The following SEPTIN9 variants were observed in gnomAD, a reference collection of about 807,000 sequenced individuals.
The protein encoded by SEPTIN9 is septin-9.
Under a neutral mutation model 56.6 loss-of-function variants are expected in SEPTIN9, and 13 were observed. The ratio of observed to expected loss-of-function variants is 0.23; its 90% confidence interval spans 0.15 to 0.37. The LOEUF is 0.37. SEPTIN9 is among the 10% of genes least tolerant of loss of function. The pLI, the probability that SEPTIN9 is intolerant of heterozygous loss-of-function variation, is 1.00. For missense variants in SEPTIN9, 650 were observed against 823.1 expected (o/e 0.79, Z 2.57); for synonymous variants, 332 against 334.1 (o/e 0.99, Z 0.07).
intron 2 of SEPTIN9, among the ~76,000 whole-genome samples, chr17:77,387,069 G>C (rs772836418): frequency 1.4e-4 from 22 of 152,244 alleles, no homozygotes; most frequent in Non-Finnish European, 2.8e-4. Context: ...ACCAGGCTTA[G>C]CAGGGGAGGA....
At chr17:77,426,373 G>A (rs541683132) in intron 3 of SEPTIN9, among the ~76,000 whole-genome samples, 137 of 152,218 alleles carry the variant, frequency 9.0e-4, no homozygotes, top group African/African-American at 3.2e-3. Flanking sequence ...TGGCGCAACA[G>A]CGTGAGCCCA....
At position 77,433,244 on chromosome 17, in the gene SEPTIN9, T is replaced by G. The variant is rs1658685164; in HGVS notation, c.721+30541T>G. ...TCGGTCACAGGATGCTGCAGCCACG[T>G]TGCAGGGAAGGAGAGCCTCCCTTCC... On this transcript the variant is annotated intron_variant, in intron 3 of 11. Transcript: ENST00000427177. This position sits in a 1 kb window ranked among gnomAD's most constrained non-coding sequence, Gnocchi z 6.4. 6.6e-6 allele frequency among the ~76,000 whole-genome samples: 1 copy of G among 152,176 alleles called. No individual in the cohort carries two copies. The highest frequency in any genetic ancestry group is 2.1e-4 in the South Asian group (1 of 4,830).
At chr17:77,373,518 C>T (rs998255484) in intron 2 of SEPTIN9, 9 of 1,542,964 alleles carry the variant, frequency 5.8e-6, no homozygotes, top group Non-Finnish European at 7.0e-6. Context: ...CCGCGGTCAA[C>T]GCGCAGCTGG....
intron 1 of SEPTIN9, among the ~76,000 whole-genome samples, chr17:77,297,987 C>G (rs1478379305): frequency 6.6e-6 from 1 of 152,136 alleles, no homozygotes. Flanking sequence ...ATTCCAGGAA[C>G]AGCAAGGAGG....
chr17:77,346,320 A>G (rs1248753284), intron 2 of SEPTIN9, among the ~76,000 whole-genome samples: 2 of 83,562 alleles, frequency 2.4e-5, no homozygotes, highest in South Asian at 8.4e-4. Context: ...TTCTTTTCTA[A>G]TATAAGCACT....
At chr17:77,465,858 C>A (rs905031007) in intron 3 of SEPTIN9, among the ~76,000 whole-genome samples, 9 of 151,910 alleles carry the variant, frequency 5.9e-5, no homozygotes, top group African/African-American at 2.2e-4. Context: ...GTGTAACTCA[C>A]CCCTGGAAGG....
chr17:77,425,402 G>A lies in SEPTIN9; in HGVS notation c.721+22699G>A, dbSNP rs894181321. On this transcript the variant is annotated intron_variant, in intron 3 of 11. Coordinates refer to ENST00000427177, the MANE Select transcript of SEPTIN9 (RefSeq NM_001113491.2). This position sits in a 1 kb window ranked among gnomAD's most constrained non-coding sequence, Gnocchi z 4.2. ...TGAGGGCTTCAGAGGTCCGGGAGGG[G>A]GATGTGACCGTGTCCCCAGGGTGAA... Among the ~76,000 whole-genome samples the A allele has an allele frequency of 6.6e-6, 1 of 152,188 alleles. No individual in the cohort carries two copies. The highest frequency in any genetic ancestry group is 1.5e-5 in the Non-Finnish European group (1 of 68,034).
rs574185722 is a variant in SEPTIN9, at chr17:77,500,333, C to T, written c.*1675C>T. ...TTTTGAAGGAAATGAGTGGCCAGCGCCAGGGCCCAGGCCATGTGGCCTGCC... is the reference window on the plus strand; with the variant it reads ...TTTTGAAGGAAATGAGTGGCCAGCGTCAGGGCCCAGGCCATGTGGCCTGCC... On this transcript the variant is annotated 3_prime_UTR_variant, in exon 12 of 12. Coordinates refer to ENST00000427177, the MANE Select transcript of SEPTIN9 (RefSeq NM_001113491.2). 4 of 224,960 alleles carry T rather than the reference C, an allele frequency of 1.8e-5. No homozygotes were observed. The highest frequency in any genetic ancestry group is 2.7e-5 in the Non-Finnish European group (3 of 112,586). The allele number at this position is 224,960 out of a possible 1,614,324, so 13.9% of individuals were successfully genotyped here.
intron 3 of SEPTIN9, among the ~76,000 whole-genome samples, chr17:77,417,827 C>G (rs2036555690): frequency 6.6e-6 from 1 of 152,236 alleles, no homozygotes; most frequent in African/African-American, 2.4e-5. Context: ...AGCTGCAAAT[C>G]CTCCTACCGG....
intron 3 of SEPTIN9, among the ~76,000 whole-genome samples, chr17:77,455,042 CTCTT>C (rs1008803267): frequency 6.7e-6 from 1 of 150,134 alleles, no homozygotes; most frequent in Non-Finnish European, 1.5e-5. Flanking sequence ...GCGATTGGCT[CTCTT>C]TCTTTTTTTT....
chr17:77,415,454 A>G (rs1317442201), intron 3 of SEPTIN9, among the ~76,000 whole-genome samples: 1 of 152,094 alleles, frequency 6.6e-6, no homozygotes, highest in Non-Finnish European at 1.5e-5. Flanking sequence ...TAAAAATATA[A>G]AAATTAGCTG....
At position 77,451,038 on chromosome 17, in the gene SEPTIN9, T is replaced by C. The variant is rs2037945012; in HGVS notation, c.722-31106T>C. ...AGGCAGAGCACAAGGAGAGAGGGTGTCCAGGTCAGTTTCAGGACCTGGCTG... is the reference window on the plus strand; with the variant it reads ...AGGCAGAGCACAAGGAGAGAGGGTGCCCAGGTCAGTTTCAGGACCTGGCTG... On this transcript the variant is annotated intron_variant, in intron 3 of 11. Transcript: ENST00000427177. The surrounding 1 kb of genome is among the most constrained non-coding windows in gnomAD (Gnocchi z 4.2). The C allele has an allele frequency of 6.4e-6, 1 of 157,144 alleles. No individual in the cohort carries two copies. The highest frequency in any genetic ancestry group is 2.4e-5 in the African/African-American group (1 of 41,462). 9.7% of individuals were successfully genotyped at this position (157,144 alleles called of 1,614,324 possible).
rs1208979653 is a variant in SEPTIN9, at chr17:77,405,142, TA to T, written c.721+2440del. On this transcript the variant is annotated intron_variant, in intron 3 of 11. Coordinates refer to ENST00000427177, the MANE Select transcript of SEPTIN9 (RefSeq NM_001113491.2). This position sits in a 1 kb window ranked among gnomAD's most constrained non-coding sequence, Gnocchi z 5.8. ...CGTGGTCCTGGCTCTGGGGGACAGG[TA>T]GGGGGATGTCCATGGGGATGTACAA... 1 of 1,532,036 alleles carries T rather than the reference TA, an allele frequency of 6.5e-7. No individual in the cohort carries two copies. The highest frequency in any genetic ancestry group is 2.0e-5 in the Admixed American group (1 of 50,946). The allele number at this position is 1,532,036 out of a possible 1,614,324, so 94.9% of individuals were successfully genotyped here.
chr17:77,495,089 C>T (rs1028805677), intron 10 of SEPTIN9, among the ~76,000 whole-genome samples: 6 of 152,188 alleles, frequency 3.9e-5, no homozygotes, highest in African/African-American at 1.2e-4. Context: ...GACGGGCCGG[C>T]GGCTTTGCTA....
chr17:77,457,621 A>G (rs1405878833), intron 3 of SEPTIN9, among the ~76,000 whole-genome samples: 1 of 152,236 alleles, frequency 6.6e-6, no homozygotes, highest in African/African-American at 2.4e-5. Flanking sequence ...CCCTCCTCCC[A>G]GTCTTCCAGA....
At chr17:77,422,167 C>T (rs2036728154) in intron 3 of SEPTIN9, among the ~76,000 whole-genome samples, 1 of 152,204 alleles carries the variant, frequency 6.6e-6, no homozygotes, top group Admixed American at 6.5e-5. Flanking sequence ...TGGGGTTTTC[C>T]TTTAACCCTT....
At chr17:77,411,630 G>A (rs928242170) in intron 3 of SEPTIN9, among the ~76,000 whole-genome samples, 17 of 151,674 alleles carry the variant, frequency 1.1e-4, no homozygotes, top group Admixed American at 2.6e-4. Flanking sequence ...TTGAACTCCT[G>A]ACCTTGAGAT....
In SEPTIN9 at chr17:77,331,815, T is replaced by C. The variant is rs375012122; in HGVS notation, c.76+24618T>C. 1.1e-3 allele frequency among the ~76,000 whole-genome samples: 172 copies of C among 152,316 alleles called. 3 individuals are homozygous for C. In the South Asian group the frequency reaches 0.014, roughly 12 times the overall value. ...CACGGGGGGCCCGAGCCCTTGGGGT[T>C]CCTGTCCTAACTGGGCGGGGAAAGG... is the stretch of plus-strand genomic sequence containing the variant. On this transcript the variant is annotated intron_variant, in intron 2 of 11. Transcript: ENST00000427177.
At chr17:77,309,779 A>C (rs1016039492) in intron 2 of SEPTIN9, among the ~76,000 whole-genome samples, 3 of 152,332 alleles carry the variant, frequency 2.0e-5, no homozygotes, top group Non-Finnish European at 4.4e-5. Context: ...CAAAACAAAA[A>C]TGTAAAGAAT....
Sources: allele counts gnomAD v4.1 joint callset (sites outside exome capture counted in the v4.1 genomes callset), GRCh38; gene constraint gnomAD v4.1.1; non-coding constraint Gnocchi (gnomAD v3.1); transcripts MANE v1.5; gene names NCBI Gene and HGNC (gene_info 2026-07-23, HGNC 2026-07-21).